Variants in PRKCE observed in about 807,000 individuals in gnomAD.
PRKCE encodes protein kinase C epsilon type.
Under a neutral mutation model 85.4 loss-of-function variants are expected in PRKCE, and 16 were observed. That is an observed-to-expected ratio of 0.19 (90% CI 0.13 to 0.28). The LOEUF is 0.28. Ranked by LOEUF, PRKCE falls within the 10% of genes least tolerant of loss-of-function variation. PRKCE has a pLI of 1.00. For missense variants in PRKCE, 573 were observed against 975.2 expected (o/e 0.59, Z 5.49); for synonymous variants, 388 against 371.5 (o/e 1.04, Z -0.51).
chr2:45,850,841 C>T (rs1237217645), intron 2 of PRKCE, among the ~76,000 whole-genome samples: 1 of 152,152 alleles, frequency 6.6e-6, no homozygotes, highest in Non-Finnish European at 1.5e-5. Flanking sequence ...TCTGTCTCCC[C>T]CTCATCCTCC....
In PRKCE at chr2:45,700,963, T is replaced by A. The variant is rs547770627; in HGVS notation, c.348+48515T>A. Among the ~76,000 whole-genome samples the A allele has an allele frequency of 6.6e-5, 10 of 152,270 alleles. No homozygotes were observed. The East Asian group carries it at 1.9e-3, about 29-fold the overall frequency. ...AAGCAAGGAAGGACCCTCCTTTAGA[T>A]GCCTTGGAGGGAGTGTGGCCTTGCT... On this transcript the variant is annotated intron_variant, in intron 1 of 14. Transcript: ENST00000306156.
intron 2 of PRKCE, among the ~76,000 whole-genome samples, chr2:45,851,435 G>A (rs1692248454): frequency 6.6e-6 from 1 of 152,154 alleles, no homozygotes; most frequent in Non-Finnish European, 1.5e-5. Context: ...AAGTGGATAT[G>A]CTTGTGTGTG....
chr2:45,819,614 T>G (rs1374623805), intron 1 of PRKCE, among the ~76,000 whole-genome samples: 1 of 152,068 alleles, frequency 6.6e-6, no homozygotes, highest in Non-Finnish European at 1.5e-5. Context: ...TCCAGGTGAT[T>G]GGATGGAAGC....
chr2:46,127,899 G>A (rs528853643), intron 11 of PRKCE, among the ~76,000 whole-genome samples: 1 of 152,356 alleles, frequency 6.6e-6, no homozygotes, highest in South Asian at 2.1e-4. Context: ...CTCAGACATG[G>A]CCGTGGGAAA....
chr2:45,898,810 G>T (rs1696348718), intron 2 of PRKCE, among the ~76,000 whole-genome samples: 1 of 152,176 alleles, frequency 6.6e-6, no homozygotes, highest in African/African-American at 2.4e-5. Context: ...GCCTGCCTTG[G>T]CTGAACTCGC....
rs1325227696 is a variant in PRKCE at position 45,884,972 on chromosome 2, TATATATATATATATATATATA to T, written c.412+41910_412+41930del. Reference sequence around the variant, plus strand: ...TGTGATCCATATATATATATATATATATATATATATATATATATATATATATATATTTGTTGTTGTTGTTGT... The same window carrying T: ...TGTGATCCATATATATATATATATATTATATATATTTGTTGTTGTTGTTGT... On this transcript the variant is annotated intron_variant, in intron 2 of 14. Transcript: ENST00000306156. Among the ~76,000 whole-genome samples, 66 of 61,180 alleles carry T rather than the reference TATATATATATATATATATATA, an allele frequency of 1.1e-3. 6 individuals are homozygous for T. The highest frequency in any genetic ancestry group is 2.5e-3 in the Admixed American group (12 of 4,882). 40.1% of individuals were successfully genotyped at this position (61,180 alleles called of 152,430 possible).
intron 10 of PRKCE, chr2:46,011,096 T>C: frequency 2.7e-6 from 1 of 372,636 alleles, no homozygotes. Flanking sequence ...GACTCGAGTA[T>C]TATTAACTAA....
At chr2:46,020,336 C>T (rs974967388) in intron 10 of PRKCE, among the ~76,000 whole-genome samples, 4 of 152,100 alleles carry the variant, frequency 2.6e-5, no homozygotes, top group African/African-American at 9.7e-5. Flanking sequence ...AGGAAGATAA[C>T]ATTTGAAGAA....
chr2:45,747,339 T>C (rs946390713), intron 1 of PRKCE, among the ~76,000 whole-genome samples: 1 of 152,204 alleles, frequency 6.6e-6, no homozygotes, highest in Non-Finnish European at 1.5e-5. Context: ...TGAAACCCAG[T>C]ACCTATTAAA....
At chr2:45,888,975 T>G (rs77539308) in intron 2 of PRKCE, among the ~76,000 whole-genome samples, 2,160 of 152,278 alleles carry the variant, frequency 0.014, 18 homozygotes, top group Middle Eastern at 0.024. Context: ...GGAATTCAGA[T>G]GGCCTGAGAC....
intron 10 of PRKCE, among the ~76,000 whole-genome samples, chr2:46,035,231 C>A (rs979239700): frequency 2.0e-5 from 3 of 152,252 alleles, no homozygotes; most frequent in Non-Finnish European, 4.4e-5. Context: ...CACCACACTT[C>A]AGGATTTCTT....
At chr2:46,123,768 G>A (rs925925612) in intron 11 of PRKCE, among the ~76,000 whole-genome samples, 1 of 152,214 alleles carries the variant, frequency 6.6e-6, no homozygotes, top group African/African-American at 2.4e-5. Flanking sequence ...TTATAGGCAT[G>A]AGCCACTGTG....
At chr2:46,106,605 G>C (rs1671740580) in intron 11 of PRKCE, among the ~76,000 whole-genome samples, 1 of 152,204 alleles carries the variant, frequency 6.6e-6, no homozygotes, top group South Asian at 2.1e-4. Flanking sequence ...TTCTCTCTTT[G>C]GCTTGCAGAA....
At chr2:45,971,039 A>G (rs1702075875) in intron 2 of PRKCE, among the ~76,000 whole-genome samples, 1 of 152,122 alleles carries the variant, frequency 6.6e-6, no homozygotes, top group Non-Finnish European at 1.5e-5. Flanking sequence ...TTAACATAAG[A>G]TGTACGCTTT....
chr2:45,707,935 T>C (rs1401326548), intron 1 of PRKCE, among the ~76,000 whole-genome samples: 2 of 152,238 alleles, frequency 1.3e-5, no homozygotes, highest in East Asian at 3.8e-4. Flanking sequence ...TCCTGCAGCA[T>C]GACTTATGTC....
intron 3 of PRKCE, chr2:45,978,640 G>T (rs924833191): frequency 2.4e-5 from 6 of 250,752 alleles, no homozygotes; most frequent in Admixed American, 1.0e-4. Flanking sequence ...CACAAGGAAA[G>T]GTATGCTTCA....
chr2:45,683,984 T>G (rs1283620822), intron 1 of PRKCE, among the ~76,000 whole-genome samples: 1 of 152,216 alleles, frequency 6.6e-6, no homozygotes, highest in African/African-American at 2.4e-5. Context: ...AGCTGGAAGT[T>G]TCAAACTGCC....
intron 2 of PRKCE, among the ~76,000 whole-genome samples, chr2:45,974,191 T>C (rs1558905594): frequency 6.6e-6 from 1 of 152,208 alleles, no homozygotes; most frequent in Non-Finnish European, 1.5e-5. Flanking sequence ...TGTGAAAGTA[T>C]GAAGCGAAAC....
chr2:45,736,944 A>G (rs978681457), intron 1 of PRKCE, among the ~76,000 whole-genome samples: 4 of 152,168 alleles, frequency 2.6e-5, no homozygotes, highest in African/African-American at 9.7e-5. Context: ...GTCCCAGAAA[A>G]TGGGAATGAC....
Sources: gnomAD v4.1 joint callset for allele counts (sites outside exome capture counted in the v4.1 genomes callset) on GRCh38, gnomAD v4.1.1 for gene constraint, MANE v1.5 for transcripts, NCBI Gene and HGNC (gene_info 2026-07-23, HGNC 2026-07-21) for gene names.